Variants in HERC2 observed in about 807,000 individuals in gnomAD.
HERC2 encodes the protein HECT and RLD domain containing E3 ubiquitin protein ligase 2, also known as E3 ubiquitin-protein ligase HERC2.
In HERC2, 102 loss-of-function variants were observed where a neutral mutation model predicts 537.7. The observed-to-expected ratio is 0.19, with a 90% CI of 0.16 to 0.22. The LOEUF is 0.22. HERC2 is among the 10% of genes least tolerant of loss of function. The probability of loss-of-function intolerance (pLI) is 1.00; values close to 1 mark genes in which losing one functional copy is unlikely to be tolerated. For synonymous variants in HERC2, 2,224 were observed against 2,466.2 expected, an observed-to-expected ratio of 0.90 and a Z score of 2.91; for missense variants, 4,236 against 6,198.2, an observed-to-expected ratio of 0.68 and a Z score of 10.63.
chr15:28,291,235 A>AT (rs1285193310), intron 4 of HERC2, among the ~76,000 whole-genome samples: 2 of 151,578 alleles, frequency 1.3e-5, no homozygotes, highest in African/African-American at 4.8e-5. Flanking sequence ...CCAAATACGA[A>AT]TTTTTTTTTA....
At chr15:28,149,548 TG>T (rs1233814084) in intron 70 of HERC2, among the ~76,000 whole-genome samples, 2 of 116,372 alleles carry the variant, frequency 1.7e-5, no homozygotes, top group Non-Finnish European at 3.7e-5. Context: ...TCACCGAGAA[TG>T]GCCACACCAA....
chr15:28,226,204 A>G (rs1901146613), intron 35 of HERC2, among the ~76,000 whole-genome samples: 1 of 152,250 alleles, frequency 6.6e-6, no homozygotes, highest in South Asian at 2.1e-4. Flanking sequence ...AGATGGCACT[A>G]TTCCCCAAAA....
chr15:28,115,262 ATTTT>A (rs11375781), intron 89 of HERC2, 163 bp downstream of exon 89: 575 of 381,142 alleles, frequency 1.5e-3, no homozygotes, highest in South Asian at 4.1e-3. Flanking sequence ...TAGATGGTCT[ATTTT>A]TTTTTTTTTT....
intron 4 of HERC2, among the ~76,000 whole-genome samples, chr15:28,291,883 C>T (rs147744460): frequency 0.023 from 2,602 of 114,224 alleles, 83 homozygotes; most frequent in African/African-American, 0.082. Context: ...CCAGCCTGGG[C>T]GACAGAACAA....
At position 28,274,887 on chromosome 15, in the gene HERC2, C is replaced by G. The variant is rs1239008459; in HGVS notation, c.643+18G>C. ...TGTATTAGGGAAGCAGAACAACGCG[C>G]CACACCAGGGACCGTACCTGATCGC... On this transcript the variant is annotated intron_variant, in intron 6 of 92. Transcript: ENST00000261609. The G allele has an allele frequency of 6.3e-7, 1 of 1,596,428 alleles. No homozygotes were observed. Among genetic ancestry groups the G allele is most frequent in the Admixed American group, 1.7e-5 (1 of 59,980 alleles).
At chr15:28,302,952 T>C (rs1477866534) in intron 2 of HERC2, among the ~76,000 whole-genome samples, 1 of 151,862 alleles carries the variant, frequency 6.6e-6, no homozygotes, top group Non-Finnish European at 1.5e-5. Context: ...TCCCATTCTG[T>C]GGGTTGTCTC....
intron 2 of HERC2, 83 bp downstream of exon 2, chr15:28,321,279 A>G (rs2077221899): frequency 4.7e-6 from 3 of 631,900 alleles, no homozygotes; most frequent in Non-Finnish European, 8.4e-6. Flanking sequence ...ACTTCCCCTT[A>G]CATACCCTAA....
intron 4 of HERC2, among the ~76,000 whole-genome samples, chr15:28,281,426 T>A (rs1392514513): frequency 1.3e-5 from 2 of 152,194 alleles, no homozygotes; most frequent in Non-Finnish European, 2.9e-5. Flanking sequence ...CTTACTAGCC[T>A]GGAGGCCAGC....
intron 12 of HERC2, among the ~76,000 whole-genome samples, chr15:28,267,820 C>T (rs1217545889): frequency 6.6e-6 from 1 of 152,254 alleles, no homozygotes; most frequent in Admixed American, 6.5e-5. Flanking sequence ...CTGCACTGCC[C>T]TCTCCCTGCT....
intron 23 of HERC2, among the ~76,000 whole-genome samples, chr15:28,240,101 T>C (rs1483586123): frequency 1.3e-5 from 2 of 152,128 alleles, no homozygotes; most frequent in Admixed American, 6.5e-5. Flanking sequence ...CCTTAAAATG[T>C]TTTAAAGACA....
intron 88 of HERC2, 41 bp downstream of exon 88, chr15:28,116,624 C>G (rs754431787): frequency 6.5e-7 from 1 of 1,549,964 alleles, no homozygotes; most frequent in East Asian, 2.3e-5. Context: ...AGAGCAGGCA[C>G]AGGCCACAGC....
In HERC2 at chr15:28,146,344, C is replaced by T. The variant is rs2142283284; in HGVS notation, c.10901G>A (p.Gly3634Asp). Residue 3634 changes from glycine to aspartate, a missense_variant and splice_region_variant, in exon 71 of 93, where the codon GGT becomes GAT. Gly to Asp is a moderately conservative substitution (Grantham distance 94, BLOSUM62 -1). Transcript: ENST00000261609. ...TSTSGTVKIP[G>D]AEGLRVEFDR... ...AAATTCTACCCTGAGTCCTTCTGCA[C>T]CTGAAGGACAGGCAAGCACAAAACA... 1 of 1,606,014 alleles carries T rather than the reference C, an allele frequency of 6.2e-7. No homozygotes were observed. Among genetic ancestry groups the T allele is most frequent in the East Asian group, 2.2e-5 (1 of 44,816 alleles).
At chr15:28,270,374 A>G (rs908623141) in intron 10 of HERC2, among the ~76,000 whole-genome samples, 1 of 152,090 alleles carries the variant, frequency 6.6e-6, no homozygotes, top group African/African-American at 2.4e-5. Context: ...GTCCGCGTTC[A>G]GAGTATGAAG....
Position 28,177,774 on chromosome 15 carries a change from G to A in HERC2, c.9164-265C>T, listed in dbSNP as rs1895438474. 6.6e-6 allele frequency among the ~76,000 whole-genome samples: 1 copy of A among 152,062 alleles called. No homozygotes were observed. The highest frequency in any genetic ancestry group is 2.4e-5 in the African/African-American group (1 of 41,400). ...CAAAATAATACTGATTATTAATGGGGTTCCTATTATGTTAAATACACGAAA... is the reference window on the plus strand; with the variant it reads ...CAAAATAATACTGATTATTAATGGGATTCCTATTATGTTAAATACACGAAA... On this transcript the variant is annotated intron_variant, in intron 59 of 92. Coordinates refer to ENST00000261609, the MANE Select transcript of HERC2 (RefSeq NM_004667.6). This position sits in a 1 kb window ranked among gnomAD's most constrained non-coding sequence, Gnocchi z 5.0.
At chr15:28,275,765 A>T (rs1193566918) in intron 5 of HERC2, among the ~76,000 whole-genome samples, 1 of 152,008 alleles carries the variant, frequency 6.6e-6, no homozygotes, top group Non-Finnish European at 1.5e-5. Flanking sequence ...CCTGCGAGAC[A>T]GAGCAAGACT....
chr15:28,311,733 GCCAA>G (rs2076951168), intron 2 of HERC2, among the ~76,000 whole-genome samples: 1 of 152,036 alleles, frequency 6.6e-6, no homozygotes, highest in African/African-American at 2.4e-5. Context: ...TGGAGAAGAT[GCCAA>G]CACCCAAGCA....
rs1462292454 is a variant in HERC2, at chr15:28,263,099, G to A, written c.1941C>T (p.Thr647=). Residue 647 remains threonine, a synonymous_variant, in exon 15 of 93, where the codon ACC becomes ACT. Transcript: ENST00000261609. The stretch of plus-strand genomic sequence containing the variant: ...CTTGAAGCTTTTCAATCAGCTTTGG[G>A]GTTTTGCAGCCATCACTACCACCTC... ...LGRGGSDGCK[T]PKLIEKLQDL... 2.5e-6 allele frequency: 4 copies of A among 1,614,122 alleles called. No individual in the cohort carries two copies. The highest frequency in any genetic ancestry group is 3.4e-6 in the Non-Finnish European group (4 of 1,180,026).
chr15:28,190,186 T>TC (rs1341279234), intron 55 of HERC2: 1 of 148,960 alleles, frequency 6.7e-6, no homozygotes, highest in Non-Finnish European at 1.5e-5. Flanking sequence ...TTTTTTTTTT[T>TC]TTTTTTTTTT....
intron 86 of HERC2, 49 bp downstream of exon 86, chr15:28,121,297 G>T (rs375746566): frequency 2.0e-6 from 3 of 1,534,126 alleles, no homozygotes; most frequent in Non-Finnish European, 2.7e-6. Context: ...ACCCACGAAA[G>T]CATCACTTCT....
Sources: gnomAD v4.1 joint callset for allele counts (sites outside exome capture counted in the v4.1 genomes callset) on GRCh38, gnomAD v4.1.1 for gene constraint, Gnocchi (gnomAD v3.1) non-coding constraint, MANE v1.5 for transcripts, NCBI Gene and HGNC (gene_info 2026-07-23, HGNC 2026-07-21) for gene names.